Variants in MTUS1 observed in about 807,000 individuals in gnomAD.
MTUS1 encodes microtubule-associated tumor suppressor 1.
MTUS1 carries 109 observed loss-of-function variants against 120.8 expected under a neutral mutation model. That is an observed-to-expected ratio of 0.90 (90% confidence interval 0.77 to 1.06). The LOEUF (loss-of-function observed/expected upper bound fraction) is 1.06. MTUS1 is among the 50% of genes least tolerant of loss of function. The pLI, the probability that MTUS1 is intolerant of heterozygous loss-of-function variation, is 0.00. For missense variants in MTUS1, 2,210 were observed against 1,486.3 expected (o/e 1.49, Z -8.01); for synonymous variants, 737 against 550.5 (o/e 1.34, Z -4.74).
intron 1 of MTUS1, among the ~76,000 whole-genome samples, chr8:17,782,163 T>C (rs910951674): frequency 1.6e-4 from 24 of 152,122 alleles, no homozygotes; most frequent in African/African-American, 4.3e-4. Context: ...GGGATTTTTT[T>C]CCCCCCTTAA....
At chr8:17,693,516 G>A (rs573473582) in intron 6 of MTUS1, among the ~76,000 whole-genome samples, 3 of 152,230 alleles carry the variant, frequency 2.0e-5, no homozygotes, top group South Asian at 4.2e-4. Flanking sequence ...ACCAGCCCCC[G>A]TCCCACCACA....
intron 1 of MTUS1, among the ~76,000 whole-genome samples, chr8:17,795,323 G>C (rs1281881204): frequency 6.6e-6 from 1 of 152,110 alleles, no homozygotes; most frequent in East Asian, 1.9e-4. Flanking sequence ...AAATGTTTTA[G>C]TTAACAGTAG....
chr8:17,801,018 C>T (rs1299275959), intron 1 of MTUS1, 43 bp downstream of exon 1: 1 of 152,376 alleles, frequency 6.6e-6, no homozygotes. Context: ...CCCTCCCCAC[C>T]CCGGCCGCCG....
At chr8:17,797,451 A>G (rs1193189688) in intron 1 of MTUS1, among the ~76,000 whole-genome samples, 3 of 151,622 alleles carry the variant, frequency 2.0e-5, no homozygotes, top group Non-Finnish European at 4.4e-5. Flanking sequence ...AAAAGTTAGA[A>G]GAAATTACAA....
rs141579785 is a variant in MTUS1, at chr8:17,728,082, A to G, written c.2288-4249T>C. The stretch of plus-strand genomic sequence containing the variant: ...ATTAAGTGAACAACAGGATAGTGTT[A>G]ATATTAATATTATCCTATTCTGTAA... On this transcript the variant is annotated intron_variant, in intron 3 of 14. Coordinates refer to ENST00000693296, the MANE Select transcript of MTUS1 (RefSeq NM_001363059.2). Among the ~76,000 whole-genome samples, 1,500 of 152,336 alleles carry G rather than the reference A, an allele frequency of 9.8e-3. 21 individuals are homozygous for G. The highest frequency in any genetic ancestry group is 0.035 in the African/African-American group (1,441 of 41,570).
chr8:17,754,000 C>A lies in MTUS1; in HGVS notation c.1808G>T (p.Arg603Ile), dbSNP rs1355336805. 4 of 1,614,064 alleles carry A rather than the reference C, an allele frequency of 2.5e-6. No individual in the cohort carries two copies. The highest frequency in any genetic ancestry group is 3.4e-6 in the Non-Finnish European group (4 of 1,180,042). The change falls in exon 2 of 15, where the codon AGA (arginine) becomes ATA (isoleucine). Residue 603 changes from arginine to isoleucine, a missense_variant. Transcript: ENST00000693296. Reference protein sequence around the residue: ...HSKNASHRVPRTTSAVKSNQE... With the variant: ...HSKNASHRVPITTSAVKSNQE... ...ATTCGATTTCACGGCAGATGTTGTTCTTGGAACCCTGTGTGAAGCATTTTT... is the reference window on the plus strand; with the variant it reads ...ATTCGATTTCACGGCAGATGTTGTTATTGGAACCCTGTGTGAAGCATTTTT...
chr8:17,766,995 T>C (rs966818612), intron 1 of MTUS1, among the ~76,000 whole-genome samples: 1 of 152,156 alleles, frequency 6.6e-6, no homozygotes, highest in Non-Finnish European at 1.5e-5. Context: ...GAGAATTATA[T>C]GACCAGTATA....
At chr8:17,799,918 C>T (rs1220915169) in intron 1 of MTUS1, among the ~76,000 whole-genome samples, 1 of 151,514 alleles carries the variant, frequency 6.6e-6, no homozygotes, top group Non-Finnish European at 1.5e-5. Flanking sequence ...TATAGCTTTC[C>T]TAATGGAATA....
chr8:17,774,972 A>T (rs1006675956), intron 1 of MTUS1, among the ~76,000 whole-genome samples: 7 of 8,002 alleles, frequency 8.7e-4, no homozygotes, highest in Non-Finnish European at 3.2e-3. Context: ...TATTATAAGT[A>T]AAAAAAAAAA....
chr8:17,771,615 T>G (rs1273135686), intron 1 of MTUS1, among the ~76,000 whole-genome samples: 1 of 152,198 alleles, frequency 6.6e-6, no homozygotes, highest in Non-Finnish European at 1.5e-5. Flanking sequence ...ACAGATTGTC[T>G]GAATCAGACA....
Position 17,762,175 on chromosome 8 carries a change from A to G in MTUS1, c.-154-6214T>C, listed in dbSNP as rs1036494492. 3.3e-5 allele frequency among the ~76,000 whole-genome samples: 5 copies of G among 152,286 alleles called. No homozygotes were observed. The South Asian group carries it at 6.2e-4, about 19-fold the overall frequency. On this transcript the variant is annotated intron_variant, in intron 1 of 14. Transcript: ENST00000693296. Reference sequence around the variant, plus strand: ...GTGCCTGTAATCCCACCTACTCAGGAGGCTGAGGCAGGAGAATCACTGGAA... The same window carrying G: ...GTGCCTGTAATCCCACCTACTCAGGGGGCTGAGGCAGGAGAATCACTGGAA...
At chr8:17,706,605 G>A (rs1197256518) in intron 6 of MTUS1, among the ~76,000 whole-genome samples, 1 of 152,106 alleles carries the variant, frequency 6.6e-6, no homozygotes, top group African/African-American at 2.4e-5. Context: ...ATGATATGAA[G>A]CTTTTGGAAA....
Position 17,751,575 on chromosome 8 carries a change from G to A in MTUS1, c.2091+2142C>T, listed in dbSNP as rs906017281. On this transcript the variant is annotated intron_variant, in intron 2 of 14. Coordinates refer to ENST00000693296, the MANE Select transcript of MTUS1 (RefSeq NM_001363059.2). The stretch of plus-strand genomic sequence containing the variant: ...CTTCAGACATGATCGTGAAAAAAGA[G>A]TAGGCCGGGGGCAGTGGCTCACGCC... 4.0e-5 allele frequency among the ~76,000 whole-genome samples: 6 copies of A among 149,918 alleles called. No individual in the cohort carries two copies. The South Asian group carries it at 1.3e-3, about 32-fold the overall frequency.
At chr8:17,706,366 C>A (rs1820157898) in intron 6 of MTUS1, among the ~76,000 whole-genome samples, 1 of 152,076 alleles carries the variant, frequency 6.6e-6, no homozygotes, top group Non-Finnish European at 1.5e-5. Flanking sequence ...TAGAAAGCAG[C>A]AGGACGAAGG....
In MTUS1 at chr8:17,715,890, C is replaced by A; in HGVS notation, c.2461G>T (p.Ala821Ser). ...STYSNNSGNAAVIKYEEKPPK... is the reference protein window; with the variant it reads ...STYSNNSGNASVIKYEEKPPK... ...GGTTTCTCCTCATATTTGATGACAG[C>A]GGCATTACCAGCTGTAATAAAACAG... The change falls in exon 5 of 15, where the codon GCT becomes TCT. Residue 821 changes from alanine to serine, a missense_variant. By Grantham distance (99) the Ala-to-Ser change is moderately conservative. Transcript: ENST00000693296. 1 of 1,611,110 alleles carries A rather than the reference C, an allele frequency of 6.2e-7. No individual in the cohort carries two copies. Among genetic ancestry groups the A allele is most frequent in the Non-Finnish European group, 8.5e-7 (1 of 1,179,248 alleles).
rs767995054 is a variant in MTUS1, at chr8:17,675,187, T to C, written c.2904A>G (p.Leu968=). 6.8e-6 allele frequency: 11 copies of C among 1,614,090 alleles called. No homozygotes were observed. The East Asian group carries it at 2.2e-4, about 33-fold the overall frequency. Residue 968 remains leucine (L), a splice_region_variant and synonymous_variant, in exon 8 of 15, where the codon CTA becomes CTG. Coordinates refer to ENST00000693296, the MANE Select transcript of MTUS1 (RefSeq NM_001363059.2). ...SQELVNLRGE[L]VTASTTCEKL... is the part of the protein sequence containing the mutation. ...ACAACAACAACAAAAAGCTCTTACC[T>C]AGCTCTCCCCGGAGGTTAACAAGTT... is the stretch of plus-strand genomic sequence containing the variant.
chr8:17,656,598 C>T (rs1045699733), intron 8 of MTUS1, among the ~76,000 whole-genome samples: 1 of 135,746 alleles, frequency 7.4e-6, no homozygotes, highest in African/African-American at 2.7e-5. Context: ...AAGAGAAGTA[C>T]TTCAGAAGAC....
At chr8:17,761,892 A>G (rs1563346929) in intron 1 of MTUS1, among the ~76,000 whole-genome samples, 1 of 152,264 alleles carries the variant, frequency 6.6e-6, no homozygotes, top group African/African-American at 2.4e-5. Context: ...TGTAAGCTTT[A>G]AAACCCAAAA....
At chr8:17,654,465 C>T (rs17125006) in intron 10 of MTUS1, 96 bp downstream of exon 10, 75,917 of 908,468 alleles carry the variant, frequency 0.084, 3,842 homozygotes, top group African/African-American at 0.16. Context: ...ACAGGGCATT[C>T]GCTGAAGCAG....
Sources: gnomAD v4.1 joint callset for allele counts (sites outside exome capture counted in the v4.1 genomes callset) on GRCh38, gnomAD v4.1.1 for gene constraint, MANE v1.5 for transcripts, NCBI Gene and HGNC (gene_info 2026-07-23, HGNC 2026-07-21) for gene names.